Variants in ACOX3 observed in about 807,000 individuals in gnomAD.
ACOX3 encodes the protein peroxisomal acyl-coenzyme A oxidase 3.
Under a neutral mutation model 81.5 loss-of-function variants are expected in ACOX3, and 73 were observed. The ratio of observed to expected loss-of-function variants is 0.90; its 90% confidence interval spans 0.74 to 1.09. The LOEUF is 1.09. Among genes scored for constraint, ACOX3 ranks in the 50% least tolerant of loss-of-function variants. The pLI, the probability that ACOX3 is intolerant of heterozygous loss-of-function variation, is 0.00. For synonymous variants in ACOX3, 387 were observed against 375.1 expected (o/e 1.03, Z -0.37); for missense variants, 947 against 928.0 (o/e 1.02, Z -0.27).
chr4:8,381,588 C>T lies in ACOX3; in HGVS notation c.1557G>A (p.Lys519=), dbSNP rs750396981. 3 of 1,613,812 alleles carry T rather than the reference C, an allele frequency of 1.9e-6. No homozygotes were observed. Among genetic ancestry groups the T allele is most frequent in the Non-Finnish European group, 1.7e-6 (2 of 1,179,882 alleles). ...LDSAVALAAY[K]WLVCYLLRET... ...CTCGGAGCAGGTAGCAAACCAGCCA[C>T]TTGTATGCTGCCAGGGCGACTTCGG... The change falls in exon 14 of 18, where the codon AAG becomes AAA. Residue 519 remains lysine, a synonymous_variant. Coordinates refer to ENST00000356406, the MANE Select transcript of ACOX3 (RefSeq NM_003501.3). The surrounding 1 kb of genome is among the most constrained non-coding windows in gnomAD (Gnocchi z 4.3).
intron 13 of ACOX3, among the ~76,000 whole-genome samples, chr4:8,387,201 C>A (rs1001756222): frequency 1.3e-5 from 2 of 152,278 alleles, no homozygotes; most frequent in Admixed American, 1.3e-4. Flanking sequence ...AAGTGCTTTA[C>A]GTGCATGAAC....
chr4:8,402,403 C>T (rs544187194), intron 7 of ACOX3, among the ~76,000 whole-genome samples: 1 of 152,298 alleles, frequency 6.6e-6, no homozygotes, highest in Non-Finnish European at 1.5e-5. Context: ...CACCCCACCT[C>T]GTGAGAAAAA....
downstream of ACOX3, among the ~76,000 whole-genome samples, chr4:8,361,924 T>C (rs1348446386): frequency 1.3e-5 from 2 of 152,238 alleles, no homozygotes; most frequent in Admixed American, 6.5e-5. Flanking sequence ...TCCAAAAGTA[T>C]GGGAAAATCC....
chr4:8,439,908 G>A (rs866846787), intron 1 of ACOX3, among the ~76,000 whole-genome samples: 1 of 149,912 alleles, frequency 6.7e-6, no homozygotes. Flanking sequence ...TAAGACAGGA[G>A]GAAAAGAGAG....
Position 8,407,527 on chromosome 4 carries a change from A to G in ACOX3, c.688-1484T>C, listed in dbSNP as rs62286041. Among the ~76,000 whole-genome samples the G allele has an allele frequency of 0.086, 13,059 of 152,240 alleles. 1,056 individuals carry two copies. The highest frequency in any genetic ancestry group is 0.21 in the African/African-American group (8,701 of 41,516). ...GACCCCGGCCTCCAGAGTTGGGAGA[A>G]TACGTTATGCTGTTTCGAGCGCCCT... On this transcript the variant is annotated intron_variant, in intron 6 of 17. Coordinates refer to ENST00000356406, the MANE Select transcript of ACOX3 (RefSeq NM_003501.3). The surrounding 1 kb of genome is among the most constrained non-coding windows in gnomAD (Gnocchi z 4.6).
intron 14 of ACOX3, 98 bp from the exon 15 acceptor site, chr4:8,375,250 G>T (rs1578860776): frequency 1.6e-6 from 2 of 1,226,354 alleles, no homozygotes; most frequent in East Asian, 5.2e-5. Flanking sequence ...GCGGGTCTGC[G>T]TTCCCGTGCA....
intron 6 of ACOX3, among the ~76,000 whole-genome samples, chr4:8,408,959 G>C (rs868352609): frequency 2.1e-5 from 3 of 140,154 alleles, no homozygotes; most frequent in Non-Finnish European, 4.5e-5. Flanking sequence ...CATCAGTATG[G>C]AGTTAAATTA....
At chr4:8,379,249 C>T (rs554467392) in intron 14 of ACOX3, among the ~76,000 whole-genome samples, 2 of 152,286 alleles carry the variant, frequency 1.3e-5, no homozygotes, top group South Asian at 2.1e-4. Flanking sequence ...CTTGGTATGC[C>T]GTATTGCAGG....
rs760922824 is a variant in ACOX3, at chr4:8,406,049, C to T, written c.688-6G>A. On this transcript the variant is annotated splice_polypyrimidine_tract_variant and splice_region_variant and intron_variant, in intron 6 of 17. Coordinates refer to ENST00000356406, the MANE Select transcript of ACOX3 (RefSeq NM_003501.3). This position sits in a 1 kb window ranked among gnomAD's most constrained non-coding sequence, Gnocchi z 5.6. Reference sequence around the variant, plus strand: ...AGGGTCTTCGGGTCCCGGATCTATACAAAGCCACAGAAAGCAGCAAACAGC... The same window carrying T: ...AGGGTCTTCGGGTCCCGGATCTATATAAAGCCACAGAAAGCAGCAAACAGC... 4 of 1,613,686 alleles carry T rather than the reference C, an allele frequency of 2.5e-6. No individual in the cohort carries two copies. Among genetic ancestry groups the T allele is most frequent in the Admixed American group, 1.7e-5 (1 of 60,014 alleles).
In ACOX3 at chr4:8,415,924, ACTTCTCCAAGGACAGATCGG is replaced by A; in HGVS notation, c.200_219del (p.Ala67ValfsTer16). The A allele has an allele frequency of 6.2e-7, 1 of 1,614,216 alleles. No individual in the cohort carries two copies. Among genetic ancestry groups the A allele is most frequent in the South Asian group, 1.1e-5 (1 of 91,086 alleles). Reference sequence around the variant, plus strand: ...CATCGAAGGAAGTTCAGCTCGCGATACTTCTCCAAGGACAGATCGGCTCCAGGGGAACGAGCGAAAAGAGG... The same window carrying A: ...CATCGAAGGAAGTTCAGCTCGCGATACTCCAGGGGAACGAGCGAAAAGAGG... On this transcript the variant is annotated frameshift_variant, in exon 3 of 18. Transcript: ENST00000356406. LOFTEE classifies it high-confidence loss of function.
chr4:8,440,317 T>C (rs1438192037), intron 1 of ACOX3, among the ~76,000 whole-genome samples: 5 of 152,230 alleles, frequency 3.3e-5, no homozygotes, highest in Admixed American at 6.5e-5. Flanking sequence ...CTGTGGCTTG[T>C]CCTGCTACAG....
At position 8,381,800 on chromosome 4, in the gene ACOX3, C is replaced by A. The variant is rs926138189; in HGVS notation, c.1538-193G>T. Among the ~76,000 whole-genome samples, 2 of 152,146 alleles carry A rather than the reference C, an allele frequency of 1.3e-5. No individual in the cohort carries two copies. Among genetic ancestry groups the A allele is most frequent in the Admixed American group, 6.5e-5 (1 of 15,280 alleles). On this transcript the variant is annotated intron_variant, in intron 13 of 17. Transcript: ENST00000356406. The surrounding 1 kb of genome is among the most constrained non-coding windows in gnomAD (Gnocchi z 4.3). Reference sequence around the variant, plus strand: ...GCACAGGGAGGGCACCTGCCCAGGGCCCCCCTGGCTGGAGGCACTTCCTGG... The same window carrying A: ...GCACAGGGAGGGCACCTGCCCAGGGACCCCCTGGCTGGAGGCACTTCCTGG...
Position 8,393,461 on chromosome 4 carries a change from C to T in ACOX3, c.1180-1008G>A, listed in dbSNP as rs368679190. 1.5e-4 allele frequency among the ~76,000 whole-genome samples: 21 copies of T among 136,672 alleles called. 5 individuals carry two copies. The East Asian group carries it at 4.2e-3, about 27-fold the overall frequency. 89.7% of individuals were successfully genotyped at this position (136,672 alleles called of 152,430 possible). A position where few individuals can be genotyped will look rare whatever the true frequency, so the allele number is the denominator to read the frequency against. ...CCAAGATCGCACCACTGCACTCCAG[C>T]CTGGGCAACAGAGCGAGACTCCGTC... On this transcript the variant is annotated intron_variant, in intron 10 of 17. Transcript: ENST00000356406.
the ACOX3 span, chr4:8,357,671 T>C: frequency 1.1e-5 from 3 of 277,760 alleles, no homozygotes; most frequent in Non-Finnish European, 2.1e-5. Context: ...CAGAATGTCA[T>C]GGCTACACCT....
downstream of ACOX3, among the ~76,000 whole-genome samples, chr4:8,364,873 C>G (rs770668720): frequency 4.6e-5 from 7 of 152,186 alleles, no homozygotes; most frequent in African/African-American, 1.7e-4. The surrounding 1 kb of genome is among the most constrained non-coding windows in gnomAD (Gnocchi z 5.0). Context: ...ACTTGGGAGA[C>G]AAGGACAGCT....
intron 17 of ACOX3, 137 bp from the exon 18 acceptor site, chr4:8,367,217 C>T (rs12646666): frequency 0.28 from 331,932 of 1,177,158 alleles, 47,953 homozygotes; most frequent in South Asian, 0.3. Context: ...CAGTGGCTCA[C>T]GCCCGTAATC....
At chr4:8,396,454 A>G (rs1246992766) in intron 9 of ACOX3, among the ~76,000 whole-genome samples, 1 of 152,176 alleles carries the variant, frequency 6.6e-6, no homozygotes. Context: ...AGGCAGGTGG[A>G]TCACTGGAGG....
Position 8,394,199 on chromosome 4 carries a change from C to T in ACOX3, c.1179+421G>A, listed in dbSNP as rs909515919. On this transcript the variant is annotated intron_variant, in intron 10 of 17. Transcript: ENST00000356406. This position sits in a 1 kb window ranked among gnomAD's most constrained non-coding sequence, Gnocchi z 5.9. ...TGTCTCTTTATGCCGAGGCTGATCTCGGGATTTGCACGCTCGTTTCTGGCA... is the reference window on the plus strand; with the variant it reads ...TGTCTCTTTATGCCGAGGCTGATCTTGGGATTTGCACGCTCGTTTCTGGCA... 2.0e-5 allele frequency among the ~76,000 whole-genome samples: 3 copies of T among 152,154 alleles called. No individual in the cohort carries two copies. Among genetic ancestry groups the T allele is most frequent in the Non-Finnish European group, 4.4e-5 (3 of 68,032 alleles).
At position 8,384,411 on chromosome 4, in the gene ACOX3, T is replaced by C. The variant is rs903970192; in HGVS notation, c.1538-2804A>G. Among the ~76,000 whole-genome samples, 1 of 152,192 alleles carries C rather than the reference T, an allele frequency of 6.6e-6. No individual in the cohort carries two copies. Among genetic ancestry groups the C allele is most frequent in the Non-Finnish European group, 1.5e-5 (1 of 68,042 alleles). Reference sequence around the variant, plus strand: ...GTGAAAAAGTATCGCTGAAACAAACTAGGCAGGAAAACGGGCACTGACGGG... The same window carrying C: ...GTGAAAAAGTATCGCTGAAACAAACCAGGCAGGAAAACGGGCACTGACGGG... On this transcript the variant is annotated intron_variant, in intron 13 of 17. Transcript: ENST00000356406. This position sits in a 1 kb window ranked among gnomAD's most constrained non-coding sequence, Gnocchi z 5.3.
Sources: gnomAD v4.1 joint callset for allele counts (sites outside exome capture counted in the v4.1 genomes callset) on GRCh38, gnomAD v4.1.1 for gene constraint, Gnocchi (gnomAD v3.1) non-coding constraint, MANE v1.5 for transcripts, NCBI Gene and HGNC (gene_info 2026-07-23, HGNC 2026-07-21) for gene names.